Variants in BEND6 observed in about 807,000 individuals in gnomAD.
BEND6 encodes the protein BEN domain-containing protein 6.
In BEND6, 24 loss-of-function variants were observed where a neutral mutation model predicts 31.8. The ratio of observed to expected loss-of-function variants is 0.75; its 90% CI spans 0.55 to 1.06. The LOEUF is 1.06. BEND6 is among the 50% of genes least tolerant of loss of function. The probability of loss-of-function intolerance (pLI) is 0.00; values close to 1 mark genes in which losing one functional copy is unlikely to be tolerated. For missense variants in BEND6, 294 were observed against 327.4 expected, an observed-to-expected ratio of 0.90 and a Z score of 0.79; for synonymous variants, 109 against 114.6, an observed-to-expected ratio of 0.95 and a Z score of 0.31.
At chr6:56,981,084 G>T (rs1219289672) in intron 1 of BEND6, among the ~76,000 whole-genome samples, 1 of 152,102 alleles carries the variant, frequency 6.6e-6, no homozygotes, top group Admixed American at 6.6e-5. Context: ...AAAGTGCTGG[G>T]ATTACAGGTG....
chr6:56,955,553 G>A (rs1824714651), intron 1 of BEND6, 93 bp downstream of exon 1: 2 of 152,228 alleles, frequency 1.3e-5, no homozygotes, highest in Non-Finnish European at 1.5e-5. Flanking sequence ...AGGAACGGGA[G>A]GCCCACTCCT....
chr6:57,010,535 A>G (rs1378027239), intron 3 of BEND6: 3 of 292,462 alleles, frequency 1.0e-5, no homozygotes, highest in Non-Finnish European at 1.5e-5. Flanking sequence ...GCCTACAGAA[A>G]TATTTACAGA....
intron 3 of BEND6, among the ~76,000 whole-genome samples, chr6:57,001,122 C>G (rs1028029536): frequency 2.0e-5 from 3 of 150,582 alleles, no homozygotes; most frequent in Non-Finnish European, 2.9e-5. Flanking sequence ...ATAGAGTCAC[C>G]AGACCCTCCA....
At chr6:56,991,556 T>C (rs1341895156) in intron 2 of BEND6, among the ~76,000 whole-genome samples, 1 of 152,088 alleles carries the variant, frequency 6.6e-6, no homozygotes, top group Admixed American at 6.5e-5. Context: ...GAGACAGGGT[T>C]TCACCACATT....
At chr6:56,956,747 T>C (rs886852309) in intron 1 of BEND6, among the ~76,000 whole-genome samples, 8 of 152,222 alleles carry the variant, frequency 5.3e-5, no homozygotes, top group African/African-American at 1.7e-4. Flanking sequence ...CACTACATCA[T>C]GTGCATATGG....
chr6:56,956,563 T>G lies in BEND6; in HGVS notation c.-101+1103T>G, dbSNP rs115855790. Among the ~76,000 whole-genome samples, 1,069 of 152,346 alleles carry G rather than the reference T, an allele frequency of 7.0e-3. 11 individuals carry two copies. The highest frequency in any genetic ancestry group is 0.024 in the African/African-American group (1,002 of 41,570). ...TGGTTTCCTTAAACAAAATAAACAT[T>G]CGAATTGTTGACATGTTGCATCTCA... On this transcript the variant is annotated intron_variant, in intron 1 of 6. Transcript: ENST00000370746.
intron 3 of BEND6, chr6:57,008,549 C>A: frequency 3.5e-6 from 1 of 283,806 alleles, no homozygotes; most frequent in Non-Finnish European, 6.5e-6. Context: ...GCCTGGGTGA[C>A]AGACACAGAC....
rs114915333 is a variant in BEND6, at chr6:56,997,981, C to T, written c.298+5426C>T. 2.9e-3 allele frequency among the ~76,000 whole-genome samples: 435 copies of T among 150,820 alleles called. 2 individuals carry two copies. The highest frequency in any genetic ancestry group is 0.01 in the African/African-American group (418 of 40,978). On this transcript the variant is annotated intron_variant, in intron 3 of 6. Coordinates refer to ENST00000370746, the MANE Select transcript of BEND6 (RefSeq NM_152731.3). ...GGAGCGTGTGTGTGGGGGTGGGGGG[C>T]GGCAAGAGGCATCTGGATAGTTAAA...
At chr6:56,975,595 G>T in intron 1 of BEND6, 1 of 320,316 alleles carries the variant, frequency 3.1e-6, no homozygotes, top group Non-Finnish European at 6.3e-6. Flanking sequence ...ATTTCTTCTC[G>T]AAAGCACTCT....
chr6:57,002,949 G>A (rs767308516), intron 3 of BEND6, among the ~76,000 whole-genome samples: 31 of 152,024 alleles, frequency 2.0e-4, no homozygotes, highest in Non-Finnish European at 4.1e-4. Flanking sequence ...AAGATTGACA[G>A]ACTGCTAGCA....
At chr6:57,017,964 C>T (rs1007134153) in intron 5 of BEND6, among the ~76,000 whole-genome samples, 4 of 152,206 alleles carry the variant, frequency 2.6e-5, no homozygotes, top group African/African-American at 4.8e-5. Context: ...TTTCCCTTGG[C>T]TCACACATGC....
rs1174454098 is a variant in BEND6, at chr6:57,026,154, C to G, written c.*82C>G. ...CTGGATTTTGTTGGAGAATCTGCAGCCTTCCTGGCAGTGAGAAAGACAGAC... is the reference window on the plus strand; with the variant it reads ...CTGGATTTTGTTGGAGAATCTGCAGGCTTCCTGGCAGTGAGAAAGACAGAC... On this transcript the variant is annotated 3_prime_UTR_variant, in exon 7 of 7. Coordinates refer to ENST00000370746, the MANE Select transcript of BEND6 (RefSeq NM_152731.3). 2 of 152,106 alleles carry G rather than the reference C, an allele frequency of 1.3e-5. No homozygotes were observed. The highest frequency in any genetic ancestry group is 2.4e-5 in the African/African-American group (1 of 41,404). 9.4% of individuals were successfully genotyped at this position (152,106 alleles called of 1,614,324 possible).
chr6:56,996,290 T>C (rs1826707345), intron 3 of BEND6, among the ~76,000 whole-genome samples: 1 of 151,862 alleles, frequency 6.6e-6, no homozygotes, highest in Admixed American at 6.6e-5. Context: ...CTACTCAAAA[T>C]ACAAAAATTA....
chr6:57,005,265 A>G (rs1044880238), intron 3 of BEND6, among the ~76,000 whole-genome samples: 2 of 152,192 alleles, frequency 1.3e-5, no homozygotes, highest in Non-Finnish European at 2.9e-5. Flanking sequence ...AAAGAAAAAA[A>G]TTCATTCACA....
At chr6:56,982,761 A>G (rs2127853672) in intron 2 of BEND6, among the ~76,000 whole-genome samples, 1 of 152,258 alleles carries the variant, frequency 6.6e-6, no homozygotes, top group East Asian at 1.9e-4. Flanking sequence ...CCAGCCCCCC[A>G]ATATAAGTAA....
intron 1 of BEND6, among the ~76,000 whole-genome samples, chr6:56,962,297 C>G (rs1825318990): frequency 6.6e-6 from 1 of 152,192 alleles, no homozygotes; most frequent in Admixed American, 6.5e-5. Context: ...ACCACTCTTG[C>G]CATATTTGTG....
At chr6:56,977,793 C>T (rs569063718) in intron 1 of BEND6, among the ~76,000 whole-genome samples, 86 of 151,972 alleles carry the variant, frequency 5.7e-4, no homozygotes, top group African/African-American at 9.2e-4. Flanking sequence ...CCCATCTCTA[C>T]GAAAAATAAA....
chr6:57,008,457 A>G lies in BEND6; in HGVS notation c.299-6676A>G, dbSNP rs973440869. 7.9e-6 allele frequency: 4 copies of G among 508,714 alleles called. No individual in the cohort carries two copies. The Admixed American group carries it at 1.0e-4, about 13-fold the overall frequency. The allele number at this position is 508,714 out of a possible 1,614,324, so 31.5% of individuals were successfully genotyped here. ...AATCTGTCTGTGTAACTGGAGTGCTATGCAGACCTGTCTGTGTGACTGTCA... is the reference window on the plus strand; with the variant it reads ...AATCTGTCTGTGTAACTGGAGTGCTGTGCAGACCTGTCTGTGTGACTGTCA... On this transcript the variant is annotated intron_variant, in intron 3 of 6. Transcript: ENST00000370746.
intron 4 of BEND6, among the ~76,000 whole-genome samples, chr6:57,016,538 T>C (rs1339817852): frequency 6.6e-6 from 1 of 152,218 alleles, no homozygotes; most frequent in Non-Finnish European, 1.5e-5. Flanking sequence ...ATTTTCTTGC[T>C]GGTTGTAAAC....
Sources: gnomAD v4.1 joint callset for allele counts (sites outside exome capture counted in the v4.1 genomes callset) on GRCh38, gnomAD v4.1.1 for gene constraint, MANE v1.5 for transcripts, NCBI Gene and HGNC (gene_info 2026-07-23, HGNC 2026-07-21) for gene names.